Variants in EGF observed in about 807,000 individuals in gnomAD.
The protein encoded by EGF is pro-epidermal growth factor.
In EGF, 95 loss-of-function variants were observed where a neutral mutation model predicts 143.8. The observed-to-expected ratio is 0.66, with a 90% CI of 0.56 to 0.78. EGF has a LOEUF of 0.78. Among genes scored for constraint, EGF ranks in the 30% least tolerant of loss-of-function variants. EGF has a pLI of 0.00. For synonymous variants in EGF, 510 were observed against 510.5 expected, an observed-to-expected ratio of 1.00 and a Z score of 0.01; for missense variants, 1,320 against 1,470.9, an observed-to-expected ratio of 0.90 and a Z score of 1.68.
At chr4:109,968,678 A>ATCTATCTC in intron 10 of EGF, 1 of 267,844 alleles carries the variant, frequency 3.7e-6, no homozygotes, top group Non-Finnish European at 6.9e-6. Context: ...ATATACATCT[A>ATCTATCTC]TCTATCTATC....
intron 5 of EGF, among the ~76,000 whole-genome samples, chr4:109,956,287 T>A (rs1383761250): frequency 6.6e-6 from 1 of 152,208 alleles, no homozygotes; most frequent in Non-Finnish European, 1.5e-5. Context: ...TTTCCCTGAT[T>A]GGTAATCCAG....
chr4:110,010,360 G>C (rs879493968), intron 23 of EGF, among the ~76,000 whole-genome samples: 1 of 152,174 alleles, frequency 6.6e-6, no homozygotes, highest in East Asian at 1.9e-4. Context: ...AAAAGCTAAA[G>C]AGCAATGTGT....
In EGF at chr4:109,914,288, C is replaced by T. The variant is rs537546407; in HGVS notation, c.127+826C>T. ...CTTTGTTGATGAGAGGTTATAGCTG[C>T]CCCGACATTCCATTTTTATCAGCTT... On this transcript the variant is annotated intron_variant, in intron 1 of 23. Coordinates refer to ENST00000265171, the MANE Select transcript of EGF (RefSeq NM_001963.6). 1.3e-4 allele frequency among the ~76,000 whole-genome samples: 20 copies of T among 152,304 alleles called. No individual in the cohort carries two copies. In the East Asian group the frequency reaches 3.9e-3, roughly 29 times the overall value.
At chr4:109,951,095 T>C (rs1384871536) in intron 5 of EGF, among the ~76,000 whole-genome samples, 1 of 151,448 alleles carries the variant, frequency 6.6e-6, no homozygotes, top group Non-Finnish European at 1.5e-5. Flanking sequence ...TCACTTGAGG[T>C]CAGGAGTTCA....
At chr4:110,005,533 A>G (rs1397302791) in intron 22 of EGF, among the ~76,000 whole-genome samples, 1 of 152,238 alleles carries the variant, frequency 6.6e-6, no homozygotes, top group Non-Finnish European at 1.5e-5. Context: ...ATTAAATTTA[A>G]CTGGGTTCTT....
intron 11 of EGF, among the ~76,000 whole-genome samples, chr4:109,969,673 G>A (rs1350986374): frequency 6.6e-6 from 1 of 152,192 alleles, no homozygotes; most frequent in East Asian, 1.9e-4. Context: ...AAACCTGTCT[G>A]AATATAAGCA....
chr4:110,001,818 T>G, intron 21 of EGF: 7 of 985,422 alleles, frequency 7.1e-6, no homozygotes, highest in Non-Finnish European at 8.4e-6. Flanking sequence ...AAAAGAAAGC[T>G]CATCAGAACC....
chr4:109,988,735 G>A (rs1343325447), intron 18 of EGF, 26 bp downstream of exon 18: 1 of 1,613,310 alleles, frequency 6.2e-7, no homozygotes, highest in Non-Finnish European at 8.5e-7. Flanking sequence ...TGCTGGGGAG[G>A]AGGGCAGAGG....
chr4:109,959,285 C>T (rs538492532), intron 5 of EGF, 27 bp from the exon 6 acceptor site: 1 of 1,613,658 alleles, frequency 6.2e-7, no homozygotes, highest in Non-Finnish European at 8.5e-7. Flanking sequence ...CACGGCCCCA[C>T]TCCAAATAAA....
At chr4:110,006,300 G>T (rs565817595) in intron 22 of EGF, among the ~76,000 whole-genome samples, 1 of 152,242 alleles carries the variant, frequency 6.6e-6, no homozygotes, top group South Asian at 2.1e-4. Flanking sequence ...AGCTATGATA[G>T]CACCACTGCA....
At chr4:109,954,561 A>G (rs1271114056) in intron 5 of EGF, among the ~76,000 whole-genome samples, 1 of 152,158 alleles carries the variant, frequency 6.6e-6, no homozygotes, top group Admixed American at 6.6e-5. Flanking sequence ...GTAAACTTCT[A>G]TACTGTTCAG....
chr4:109,983,011 A>G (rs756167621), intron 15 of EGF, among the ~76,000 whole-genome samples: 32 of 152,176 alleles, frequency 2.1e-4, no homozygotes, highest in Non-Finnish European at 4.6e-4. Context: ...AAATCAGGCT[A>G]AAATAAGCAT....
rs554836758 is a variant in EGF, at chr4:109,995,039, T to G, written c.3005+159T>G. Among the ~76,000 whole-genome samples the G allele has an allele frequency of 2.6e-5, 4 of 152,196 alleles. No individual in the cohort carries two copies. In the South Asian group the frequency reaches 8.3e-4, roughly 31 times the overall value. ...TATGAACCACGTGTGTGCACTTCAT[T>G]GCATGCTCCTTGTGTATCACGATGC... On this transcript the variant is annotated intron_variant, in intron 20 of 23. Coordinates refer to ENST00000265171, the MANE Select transcript of EGF (RefSeq NM_001963.6).
chr4:109,948,614 G>T (rs959867976), intron 5 of EGF, among the ~76,000 whole-genome samples: 1 of 152,038 alleles, frequency 6.6e-6, no homozygotes, highest in Non-Finnish European at 1.5e-5. Context: ...CTCCCAAGTA[G>T]CTGGGATTAC....
Position 110,004,573 on chromosome 4 carries a change from G to T in EGF, c.3242G>T (p.Arg1081Leu), listed in dbSNP as rs778541371. 21 of 1,613,976 alleles carry T rather than the reference G, an allele frequency of 1.3e-5. No individual in the cohort carries two copies. The highest frequency in any genetic ancestry group is 1.5e-5 in the Non-Finnish European group (18 of 1,179,894). Reference protein sequence around the residue: ...YEESSRDVRSRRPADTEDGMS... With the variant: ...YEESSRDVRSLRPADTEDGMS... ...GAGTCGAGCAGAGATGTGAGGAGTC[G>T]CAGGCCTGCTGACACTGAGGATGGG... Residue 1081 changes from arginine to leucine, a missense_variant, in exon 22 of 24, where the codon CGC becomes CTC. By Grantham distance (102) the Arg-to-Leu change is moderately radical. Around this residue, in one of 5 missense-constraint regions of EGF, gnomAD observed 1,186 missense variants for 1,313.7 expected, o/e 0.90. Coordinates refer to ENST00000265171, the MANE Select transcript of EGF (RefSeq NM_001963.6).
intron 4 of EGF, among the ~76,000 whole-genome samples, 167 bp downstream of exon 4, chr4:109,944,236 G>A (rs577936612): frequency 4.6e-5 from 7 of 152,196 alleles, no homozygotes; most frequent in Non-Finnish European, 8.8e-5. Context: ...TCAGGAGATC[G>A]AGACCATCCT....
Position 109,913,000 on chromosome 4 carries a change from C to T in EGF, c.-336C>T, listed in dbSNP as rs1454376980. On this transcript the variant is annotated 5_prime_UTR_variant, in exon 1 of 24. Transcript: ENST00000265171. ...CTTCCTTTCTTTTTCCTCTCTAAGCCTTTGCCTTGCTCTGTCACAGTGAAG... is the reference window on the plus strand; with the variant it reads ...CTTCCTTTCTTTTTCCTCTCTAAGCTTTTGCCTTGCTCTGTCACAGTGAAG... The T allele has an allele frequency of 9.6e-6, 3 of 312,314 alleles. No individual in the cohort carries two copies. In the East Asian group the frequency reaches 2.4e-4, roughly 25 times the overall value. The allele number at this position is 312,314 out of a possible 1,614,324, so 19.3% of individuals were successfully genotyped here.
intron 1 of EGF, among the ~76,000 whole-genome samples, chr4:109,919,051 T>A (rs1180116573): frequency 1.3e-5 from 2 of 152,220 alleles, no homozygotes; most frequent in Admixed American, 1.3e-4. Flanking sequence ...CCAATTTTGC[T>A]TTTCTGATCA....
At chr4:109,915,138 A>C (rs1736396196) in intron 1 of EGF, among the ~76,000 whole-genome samples, 1 of 152,184 alleles carries the variant, frequency 6.6e-6, no homozygotes, top group Non-Finnish European at 1.5e-5. Flanking sequence ...GGTTGTACCC[A>C]ATAAACATGA....
Sources: gnomAD v4.1 joint callset for allele counts (sites outside exome capture counted in the v4.1 genomes callset) on GRCh38, gnomAD v4.1.1 for gene constraint, gnomAD v4.1.1 regional missense constraint, MANE v1.5 for transcripts, NCBI Gene and HGNC (gene_info 2026-07-23, HGNC 2026-07-21) for gene names.